Variants in CWC15 observed in about 807,000 individuals in gnomAD.
CWC15 encodes CWC15 spliceosome associated protein, also known as spliceosome-associated protein CWC15 homolog.
Under a neutral mutation model 28.4 loss-of-function variants are expected in CWC15, and 12 were observed. The ratio of observed to expected loss-of-function variants is 0.42; its 90% confidence interval spans 0.27 to 0.69. The LOEUF (loss-of-function observed/expected upper bound fraction) is 0.69. Ranked by LOEUF, CWC15 falls within the 30% of genes least tolerant of loss-of-function variation. CWC15 has a pLI of 0.23. For synonymous variants in CWC15, 92 were observed against 88.4 expected (o/e 1.04, Z -0.23); for missense variants, 192 against 271.5 (o/e 0.71, Z 2.06).
chr11:94,965,168 A>G (rs1411468367), intron 6 of CWC15, among the ~76,000 whole-genome samples: 6 of 152,234 alleles, frequency 3.9e-5, no homozygotes, highest in African/African-American at 1.4e-4. Flanking sequence ...GGCAGGTAGC[A>G]GTACTGCATC....
At chr11:94,964,694 T>C (rs2134097997) in intron 6 of CWC15, among the ~76,000 whole-genome samples, 1 of 152,260 alleles carries the variant, frequency 6.6e-6, no homozygotes, top group East Asian at 1.9e-4. Context: ...TCAGTTCTCC[T>C]CCCTTCCCAA....
chr11:94,971,911 A>G (rs1192740613), intron 2 of CWC15, 144 bp downstream of exon 2: 4 of 765,988 alleles, frequency 5.2e-6, no homozygotes, highest in African/African-American at 5.2e-5. Context: ...TCACAGCAGA[A>G]TTTTAGTGTT....
chr11:94,965,303 TATAAA>T, intron 6 of CWC15, among the ~76,000 whole-genome samples: 1 of 152,386 alleles, frequency 6.6e-6, no homozygotes, highest in Middle Eastern at 3.4e-3. Context: ...GACGAATGCA[TATAAA>T]ATAACAACCA....
Position 94,970,977 on chromosome 11 carries a change from A to C in CWC15, c.333T>G (p.Asp111Glu), listed in dbSNP as rs782387443. The C allele has an allele frequency of 6.2e-7, 1 of 1,609,458 alleles. No individual in the cohort carries two copies. The highest frequency in any genetic ancestry group is 8.5e-7 in the Non-Finnish European group (1 of 1,175,778). Residue 111 changes from aspartate (D) to glutamate (E), a missense_variant and splice_region_variant, in exon 4 of 7, where the codon GAT becomes GAG. Around this residue, in one of 2 missense-constraint regions of CWC15, gnomAD observed 188 missense variants for 250.3 expected, o/e 0.75. Coordinates refer to ENST00000279839, the MANE Select transcript of CWC15 (RefSeq NM_016403.4). ...ANLDADDPLT[D>E]EEDEDFEEES... ...GATGAAAGGAGGAAACAAAACATAC[A>C]TCTGTTAGAGGGTCATCTGCATCAA...
chr11:94,967,723 G>A (rs1857665243), intron 5 of CWC15, among the ~76,000 whole-genome samples: 1 of 152,120 alleles, frequency 6.6e-6, no homozygotes, highest in African/African-American at 2.4e-5. Context: ...CAAAATGGGA[G>A]GTGAAAAGAT....
chr11:94,965,445 C>T (rs1359451364), intron 6 of CWC15, among the ~76,000 whole-genome samples: 1 of 152,124 alleles, frequency 6.6e-6, no homozygotes, highest in Non-Finnish European at 1.5e-5. Flanking sequence ...CCCCTCCAAA[C>T]ACACACACAC....
At chr11:94,971,586 T>C (rs1857723110) in intron 2 of CWC15, 99 bp from the exon 3 acceptor site, 1 of 706,736 alleles carries the variant, frequency 1.4e-6, no homozygotes, top group African/African-American at 1.8e-5. Context: ...AATGAGACTT[T>C]GTCCTTCAAG....
At chr11:94,963,816 T>C (rs587654266) in intron 6 of CWC15, among the ~76,000 whole-genome samples, 1 of 152,328 alleles carries the variant, frequency 6.6e-6, no homozygotes, top group Non-Finnish European at 1.5e-5. Flanking sequence ...TTAATGTTTT[T>C]AGGTCTAATA....
rs993398634 is a variant in CWC15 at position 94,963,109 on chromosome 11, C to T, written c.*276G>A. On this transcript the variant is annotated 3_prime_UTR_variant, in exon 7 of 7. Transcript: ENST00000279839. The stretch of plus-strand genomic sequence containing the variant: ...ATAAATTCCAACAAAAAGTTGGGCA[C>T]CCAGATTTGGTTATTTAGATTAAAA... The T allele has an allele frequency of 4.4e-6, 1 of 228,476 alleles. No individual in the cohort carries two copies. The highest frequency in any genetic ancestry group is 8.4e-6 in the Non-Finnish European group (1 of 118,928). The allele number at this position is 228,476 out of a possible 1,614,324, so 14.2% of individuals were successfully genotyped here.
In CWC15 at chr11:94,964,441, A is replaced by G. The variant is rs191200969; in HGVS notation, c.561-927T>C. 2.6e-5 allele frequency among the ~76,000 whole-genome samples: 4 copies of G among 152,350 alleles called. No individual in the cohort carries two copies. The East Asian group carries it at 5.8e-4, about 22-fold the overall frequency. ...AGCATAACAAGCTGAGCAGATCAAT[A>G]TGACTGGGATATAAGACATGTTTCT... On this transcript the variant is annotated intron_variant, in intron 6 of 6. Coordinates refer to ENST00000279839, the MANE Select transcript of CWC15 (RefSeq NM_016403.4).
intron 5 of CWC15, among the ~76,000 whole-genome samples, chr11:94,968,851 T>C (rs1293932549): frequency 6.6e-6 from 1 of 152,206 alleles, no homozygotes; most frequent in African/African-American, 2.4e-5. Flanking sequence ...ACTTTCTTTT[T>C]TAAAAACAGA....
intron 5 of CWC15, among the ~76,000 whole-genome samples, chr11:94,968,645 C>G (rs1265088961): frequency 3.9e-5 from 6 of 152,200 alleles, no homozygotes; most frequent in African/African-American, 1.4e-4. Flanking sequence ...TAAGCTATTA[C>G]AGGAATTATG....
chr11:94,963,319 A>C lies in CWC15; in HGVS notation c.*66T>G. 7.5e-7 allele frequency: 1 copy of C among 1,336,472 alleles called. No homozygotes were observed. 82.8% of individuals were successfully genotyped at this position (1,336,472 alleles called of 1,614,324 possible). ...TTAGACAGGGGAAAAGAAAAAAAAA[A>C]CTCATAAAAAAAGTCAGAATGATCC... On this transcript the variant is annotated 3_prime_UTR_variant, in exon 7 of 7. Coordinates refer to ENST00000279839, the MANE Select transcript of CWC15 (RefSeq NM_016403.4).
At position 94,969,985 on chromosome 11, in the gene CWC15, T is replaced by C; in HGVS notation, c.441+4A>G. On this transcript the variant is annotated splice_donor_region_variant and intron_variant, in intron 5 of 6. Coordinates refer to ENST00000279839, the MANE Select transcript of CWC15 (RefSeq NM_016403.4). ...GATGTAAATATTTAATACTTTGGTT[T>C]TACCTTCCTGGCCTGCTCTTCAGCT... 4.0e-6 allele frequency: 6 copies of C among 1,516,156 alleles called. No individual in the cohort carries two copies. The highest frequency in any genetic ancestry group is 5.3e-6 in the Non-Finnish European group (6 of 1,133,356). 93.9% of individuals were successfully genotyped at this position (1,516,156 alleles called of 1,614,324 possible). A position where few individuals can be genotyped will look rare whatever the true frequency, so the allele number is the denominator to read the frequency against.
chr11:94,971,381 T>C lies in CWC15; in HGVS notation c.238A>G (p.Thr80Ala). 1 of 1,609,692 alleles carries C rather than the reference T, an allele frequency of 6.2e-7. No individual in the cohort carries two copies. The highest frequency in any genetic ancestry group is 1.1e-5 in the South Asian group (1 of 90,338). Residue 80 changes from threonine (T) to alanine (A), a missense_variant, in exon 3 of 7, where the codon ACC becomes GCC. Transcript: ENST00000279839. ...AAREKNRDRP[T>A]REHTTSSSVS... ...TCTTGGATAGTGTTGGTACCTCGGGTTGGACGATCCCTATTTTTCTCTCTT... is the reference window on the plus strand; with the variant it reads ...TCTTGGATAGTGTTGGTACCTCGGGCTGGACGATCCCTATTTTTCTCTCTT...
intron 5 of CWC15, among the ~76,000 whole-genome samples, chr11:94,966,740 T>C (rs1857651083): frequency 6.6e-6 from 1 of 152,138 alleles, no homozygotes; most frequent in Non-Finnish European, 1.5e-5. Context: ...TTAATTGCTT[T>C]AAATTTTAAG....
rs1555096232 is a variant in CWC15, at chr11:94,971,466, A to G, written c.153T>C (p.Pro51=). 1.2e-5 allele frequency: 20 copies of G among 1,610,242 alleles called. 2 individuals carry two copies. In the East Asian group the frequency reaches 4.5e-4, roughly 36 times the overall value. Residue 51 remains proline (P), a synonymous_variant, in exon 3 of 7, where the codon CCT becomes CCC. Transcript: ENST00000279839. ...TGAAGTCACGGTTACGAACCTCTTC[A>G]GGGGCATCCTGAGTAGTCTGTCTAA... ...IKYRQTTQDA[P]EEVRNRDFRR...
chr11:94,967,198 T>A (rs1555095461), intron 5 of CWC15, among the ~76,000 whole-genome samples: 2 of 152,134 alleles, frequency 1.3e-5, no homozygotes, highest in Admixed American at 1.3e-4. Context: ...CGGCTAATTT[T>A]TGTATTTTTA....
chr11:94,966,802 A>G (rs1352328927), intron 5 of CWC15, among the ~76,000 whole-genome samples: 8 of 152,088 alleles, frequency 5.3e-5, no homozygotes, highest in African/African-American at 1.9e-4. Flanking sequence ...GAATATCAAA[A>G]AGACACATTT....
Sources: allele counts gnomAD v4.1 joint callset (sites outside exome capture counted in the v4.1 genomes callset), GRCh38; gene constraint gnomAD v4.1.1; regional missense constraint gnomAD v4.1.1; transcripts MANE v1.5; gene names NCBI Gene and HGNC (gene_info 2026-07-23, HGNC 2026-07-21).